Variants in PRKCA observed in about 807,000 individuals in gnomAD.
PRKCA encodes the protein protein kinase C alpha type.
PRKCA carries 27 observed loss-of-function variants against 87.0 expected under a neutral mutation model. The ratio of observed to expected loss-of-function variants is 0.31; its 90% confidence interval spans 0.23 to 0.43. The LOEUF is 0.43. Ranked by LOEUF, PRKCA falls within the 20% of genes least tolerant of loss-of-function variation. The pLI is 1.00. For synonymous variants in PRKCA, 329 were observed against 311.1 expected (o/e 1.06, Z -0.61); for missense variants, 518 against 852.3 (o/e 0.61, Z 4.88).
intron 2 of PRKCA, among the ~76,000 whole-genome samples, chr17:66,490,501 G>T (rs1392449724): frequency 6.6e-6 from 1 of 151,932 alleles, no homozygotes; most frequent in Non-Finnish European, 1.5e-5. Flanking sequence ...CCACCACCAT[G>T]CCCGGCTAAT....
At chr17:66,729,503 C>T (rs1039692893) in intron 8 of PRKCA, among the ~76,000 whole-genome samples, 2 of 152,218 alleles carry the variant, frequency 1.3e-5, no homozygotes, top group African/African-American at 4.8e-5. Context: ...TGGGCTGGCC[C>T]TGCCGAAGTG....
chr17:66,761,468 T>G (rs1021064876), intron 13 of PRKCA, among the ~76,000 whole-genome samples: 3 of 151,934 alleles, frequency 2.0e-5, no homozygotes, highest in Admixed American at 6.6e-5. Flanking sequence ...TGGCGGTGGT[T>G]GTTGTTGAGA....
intron 3 of PRKCA, among the ~76,000 whole-genome samples, chr17:66,627,241 A>G (rs1385592219): frequency 1.3e-5 from 2 of 152,200 alleles, no homozygotes; most frequent in Non-Finnish European, 2.9e-5. Flanking sequence ...TTAACAGCTA[A>G]GCAAACCATG....
chr17:66,663,664 T>C (rs938889012), intron 5 of PRKCA, among the ~76,000 whole-genome samples: 3 of 152,126 alleles, frequency 2.0e-5, no homozygotes, highest in Admixed American at 2.0e-4. Flanking sequence ...TGATATCAGC[T>C]TTGTTGGGGG....
At chr17:66,354,409 G>T (rs1327893329) in intron 2 of PRKCA, among the ~76,000 whole-genome samples, 1 of 152,176 alleles carries the variant, frequency 6.6e-6, no homozygotes, top group African/African-American at 2.4e-5. Context: ...CAATACTGTT[G>T]GTGGTGTAAA....
chr17:66,646,620 ACAT>A (rs1386024023), intron 5 of PRKCA, among the ~76,000 whole-genome samples: 2 of 152,340 alleles, frequency 1.3e-5, no homozygotes, highest in African/African-American at 2.4e-5. Flanking sequence ...ATAACAGAAA[ACAT>A]CATAGAAGAA....
intron 2 of PRKCA, among the ~76,000 whole-genome samples, chr17:66,315,945 C>T (rs867716518): frequency 6.6e-6 from 1 of 152,148 alleles, no homozygotes; most frequent in South Asian, 2.1e-4. Context: ...ACATCTATCA[C>T]GTACATTATA....
At chr17:66,628,324 C>T (rs1970914804) in intron 3 of PRKCA, among the ~76,000 whole-genome samples, 1 of 152,086 alleles carries the variant, frequency 6.6e-6, no homozygotes, top group African/African-American at 2.4e-5. Context: ...CAGTGAAAAA[C>T]AAAATCACCT....
At chr17:66,399,319 G>A (rs1327395366) in intron 2 of PRKCA, among the ~76,000 whole-genome samples, 1 of 151,994 alleles carries the variant, frequency 6.6e-6, no homozygotes, top group Non-Finnish European at 1.5e-5. Flanking sequence ...GAGCTCAAGT[G>A]ATCCGCCCAC....
intron 13 of PRKCA, among the ~76,000 whole-genome samples, chr17:66,768,410 T>C (rs1457581940): frequency 2.0e-5 from 3 of 152,206 alleles, no homozygotes; most frequent in Non-Finnish European, 4.4e-5. Context: ...AAGTTTGCTT[T>C]CTGGGGTAGG....
chr17:66,731,299 G>A (rs1281388378), intron 8 of PRKCA, among the ~76,000 whole-genome samples: 5 of 147,000 alleles, frequency 3.4e-5, no homozygotes, highest in East Asian at 2.0e-4. Flanking sequence ...AGCTGAGATC[G>A]CGCCACTGCA....
chr17:66,554,070 G>A (rs1157814744), intron 3 of PRKCA, among the ~76,000 whole-genome samples: 1 of 152,142 alleles, frequency 6.6e-6, no homozygotes, highest in Non-Finnish European at 1.5e-5. Context: ...ACATTGGCAT[G>A]AAGAGAAAGA....
intron 14 of PRKCA, among the ~76,000 whole-genome samples, chr17:66,776,991 G>A (rs895750551): frequency 2.0e-5 from 3 of 152,200 alleles, no homozygotes; most frequent in Admixed American, 6.5e-5. Context: ...GAGCCCACTC[G>A]CCCAACTCCT....
intron 3 of PRKCA, among the ~76,000 whole-genome samples, chr17:66,528,812 GTGTATTTTAGTTTGTGTAT>G (rs1967439185): frequency 6.6e-6 from 1 of 152,230 alleles, no homozygotes. Flanking sequence ...TGGAAGTACA[GTGTATTTTAGTTTGTGTAT>G]TTTGATTGGG....
intron 14 of PRKCA, among the ~76,000 whole-genome samples, chr17:66,785,727 A>C (rs948323860): frequency 1.3e-5 from 2 of 152,216 alleles, no homozygotes; most frequent in Non-Finnish European, 2.9e-5. Flanking sequence ...TGTCTTAAAT[A>C]ATAATACTGC....
chr17:66,619,333 C>T (rs1420365809), intron 3 of PRKCA, among the ~76,000 whole-genome samples: 2 of 152,286 alleles, frequency 1.3e-5, no homozygotes, highest in South Asian at 2.1e-4. Context: ...GTGTCAACCG[C>T]TCCAAGTGAC....
At chr17:66,381,134 G>T (rs1393100016) in intron 2 of PRKCA, among the ~76,000 whole-genome samples, 3 of 151,844 alleles carry the variant, frequency 2.0e-5, no homozygotes, top group Non-Finnish European at 4.4e-5. Context: ...TAGAGCTGGG[G>T]TCTCGCTATG....
chr17:66,519,563 G>A (rs1030981374), intron 3 of PRKCA, among the ~76,000 whole-genome samples: 2 of 152,076 alleles, frequency 1.3e-5, no homozygotes, highest in African/African-American at 2.4e-5. Context: ...CTTTCAATTG[G>A]TGATTCTTTT....
chr17:66,810,113 A>G lies in PRKCA; in HGVS notation c.*6076A>G, dbSNP rs1202970702. On this transcript the variant is annotated 3_prime_UTR_variant, in exon 17 of 17. Coordinates refer to ENST00000413366, the MANE Select transcript of PRKCA (RefSeq NM_002737.3). Reference sequence around the variant, plus strand: ...AAAATAGGTGTCAAGTCCACTTTATAAGAACCTTTTTTTCTAAAATAAGAT... The same window carrying G: ...AAAATAGGTGTCAAGTCCACTTTATGAGAACCTTTTTTTCTAAAATAAGAT... 1 of 152,234 alleles carries G rather than the reference A, an allele frequency of 6.6e-6. No individual in the cohort carries two copies. The highest frequency in any genetic ancestry group is 6.5e-5 in the Admixed American group (1 of 15,288). The allele number at this position is 152,234 out of a possible 1,614,324, so 9.4% of individuals were successfully genotyped here.
Sources: allele counts gnomAD v4.1 joint callset (sites outside exome capture counted in the v4.1 genomes callset), GRCh38; gene constraint gnomAD v4.1.1; transcripts MANE v1.5; gene names NCBI Gene and HGNC (gene_info 2026-07-23, HGNC 2026-07-21).